GLIS3: variants seen among roughly 807,000 people sequenced by gnomAD.
GLIS3 encodes the protein zinc finger protein GLIS3.
Under a neutral mutation model 78.6 loss-of-function variants are expected in GLIS3, and 53 were observed. That is an observed-to-expected ratio of 0.67 (90% CI 0.54 to 0.85). The LOEUF is 0.85. Among genes scored for constraint, GLIS3 ranks in the 40% least tolerant of loss-of-function variants. The pLI is 0.00. For missense variants in GLIS3, 1,703 were observed against 1,231.1 expected (o/e 1.38, Z -5.74); for synonymous variants, 684 against 509.9 (o/e 1.34, Z -4.60).
intron 2 of GLIS3, among the ~76,000 whole-genome samples, chr9:4,333,743 C>A (rs374386811): frequency 7.8e-6 from 1 of 127,890 alleles, no homozygotes; most frequent in South Asian, 3.1e-4. Flanking sequence ...ATGCCCCCCC[C>A]CACCCCCCGC....
chr9:4,300,283 G>C (rs1774867832), upstream of GLIS3, among the ~76,000 whole-genome samples: 1 of 152,050 alleles, frequency 6.6e-6, no homozygotes. Flanking sequence ...CTCCAGAACA[G>C]GGTAACAGCA....
At position 3,890,090 on chromosome 9, in the gene GLIS3, C is replaced by T. The variant is rs1822332816; in HGVS notation, c.2128+8601G>A. ...TGACATCAGGACCAGGGCTACATCCCAGCAATACCAAAACAAGGAATATGT... is the reference window on the plus strand; with the variant it reads ...TGACATCAGGACCAGGGCTACATCCTAGCAATACCAAAACAAGGAATATGT... On this transcript the variant is annotated intron_variant, in intron 7 of 10. Transcript: ENST00000381971. Among the ~76,000 whole-genome samples the T allele has an allele frequency of 3.9e-5, 6 of 152,154 alleles. No individual in the cohort carries two copies. The South Asian group carries it at 1.2e-3, about 31-fold the overall frequency.
chr9:4,269,991 T>C (rs977310891), intron 2 of GLIS3, among the ~76,000 whole-genome samples: 42 of 152,292 alleles, frequency 2.8e-4, no homozygotes, highest in African/African-American at 9.4e-4. Flanking sequence ...TTTGTAATGG[T>C]TCATGGGAAT....
intron 2 of GLIS3, among the ~76,000 whole-genome samples, chr9:4,177,635 T>C (rs959217290): frequency 6.6e-6 from 1 of 152,196 alleles, no homozygotes; most frequent in Non-Finnish European, 1.5e-5. Flanking sequence ...TTAGCTTCTA[T>C]GAAACCAACC....
At chr9:4,390,171 C>T in the GLIS3 span, among the ~76,000 whole-genome samples, 1 of 152,150 alleles carries the variant, frequency 6.6e-6, no homozygotes, top group South Asian at 2.1e-4. Flanking sequence ...TGAAACATTC[C>T]AAATTGTGGA....
chr9:4,033,028 G>GT (rs1468017397), intron 4 of GLIS3, among the ~76,000 whole-genome samples: 1 of 151,826 alleles, frequency 6.6e-6, no homozygotes, highest in Non-Finnish European at 1.5e-5. Context: ...TAATTTTTTT[G>GT]TTTTTTAGTA....
At chr9:4,272,816 C>T (rs1350344383) in intron 2 of GLIS3, among the ~76,000 whole-genome samples, 1 of 152,010 alleles carries the variant, frequency 6.6e-6, no homozygotes, top group African/African-American at 2.4e-5. Context: ...TGAAACTTTC[C>T]CCAAATGTCA....
intron 2 of GLIS3, among the ~76,000 whole-genome samples, chr9:4,231,792 A>G (rs549640000): frequency 6.6e-6 from 1 of 152,224 alleles, no homozygotes; most frequent in Non-Finnish European, 1.5e-5. Context: ...ATTTTTACCA[A>G]TGTAAACAAT....
chr9:4,405,802 T>C, the GLIS3 span, among the ~76,000 whole-genome samples: 2 of 151,860 alleles, frequency 1.3e-5, no homozygotes, highest in African/African-American at 4.8e-5. Flanking sequence ...CTGATGAATA[T>C]TGATACAAAA....
In GLIS3 at chr9:4,202,573, A is replaced by G. The variant is rs1052720621; in HGVS notation, c.389-76632T>C. On this transcript the variant is annotated intron_variant, in intron 2 of 10. Transcript: ENST00000381971. ...ACATTGCCCAACTTCAAACCTTACT[A>G]TAAGGCTACGGTAAACAAAATCGCA... Among the ~76,000 whole-genome samples, 3 of 152,338 alleles carry G rather than the reference A, an allele frequency of 2.0e-5. No individual in the cohort carries two copies. The East Asian group carries it at 5.8e-4, about 29-fold the overall frequency.
the GLIS3 span, among the ~76,000 whole-genome samples, chr9:4,389,535 G>A: frequency 2.0e-5 from 3 of 152,178 alleles, no homozygotes; most frequent in Admixed American, 1.3e-4. Flanking sequence ...CATTTCCAAA[G>A]GTTCTTGGAT....
the GLIS3 span, among the ~76,000 whole-genome samples, chr9:4,438,062 T>C: frequency 2.6e-5 from 4 of 152,200 alleles, no homozygotes; most frequent in Admixed American, 2.6e-4. Flanking sequence ...TCCTATGTTT[T>C]TCAATGGTCA....
chr9:4,059,148 G>A (rs530816906), intron 4 of GLIS3, among the ~76,000 whole-genome samples: 60 of 152,260 alleles, frequency 3.9e-4, no homozygotes, highest in African/African-American at 1.3e-3. Context: ...AATATTTTGA[G>A]GGTGGGATCA....
chr9:4,031,672 G>C (rs1823844526), intron 4 of GLIS3, among the ~76,000 whole-genome samples: 1 of 151,966 alleles, frequency 6.6e-6, no homozygotes, highest in Non-Finnish European at 1.5e-5. Flanking sequence ...TGTCGAGAAA[G>C]ATAAACAAAA....
the GLIS3 span, among the ~76,000 whole-genome samples, chr9:4,416,967 C>A: frequency 3.2e-4 from 48 of 152,182 alleles, no homozygotes; most frequent in African/African-American, 9.6e-4. Flanking sequence ...ACCCCATTTA[C>A]GCTGACTGTG....
intron 4 of GLIS3, among the ~76,000 whole-genome samples, chr9:4,061,793 G>A (rs1826677526): frequency 6.6e-6 from 1 of 152,188 alleles, no homozygotes; most frequent in Non-Finnish European, 1.5e-5. Flanking sequence ...AGCTTGTACT[G>A]CACATACTCC....
the GLIS3 span, among the ~76,000 whole-genome samples, chr9:4,433,684 T>C: frequency 1.3e-5 from 2 of 152,374 alleles, no homozygotes; most frequent in East Asian, 3.9e-4. Flanking sequence ...TATCTCTAAG[T>C]GATGCAAACC....
intron 4 of GLIS3, among the ~76,000 whole-genome samples, chr9:4,019,224 C>G (rs497374): frequency 6.6e-6 from 1 of 152,062 alleles, no homozygotes; most frequent in Non-Finnish European, 1.5e-5. Context: ...AAAGTTTAAA[C>G]GGTGCTCTCA....
At chr9:3,833,866 A>T (rs1260302634) in intron 9 of GLIS3, among the ~76,000 whole-genome samples, 2 of 152,216 alleles carry the variant, frequency 1.3e-5, no homozygotes, top group Non-Finnish European at 2.9e-5. Context: ...CCCAAAGGTC[A>T]AGGAGAATCA....
Sources: allele counts gnomAD v4.1 joint callset (sites outside exome capture counted in the v4.1 genomes callset), GRCh38; gene constraint gnomAD v4.1.1; transcripts MANE v1.5; gene names NCBI Gene and HGNC (gene_info 2026-07-23, HGNC 2026-07-21).